Variants in KIF16B observed in about 807,000 individuals in gnomAD.
The protein encoded by KIF16B is kinesin family member 16B.
In KIF16B, 98 loss-of-function variants were observed where a neutral mutation model predicts 156.3. The observed-to-expected ratio is 0.63, with a 90% CI of 0.53 to 0.74. The LOEUF is 0.74. KIF16B is among the 30% of genes least tolerant of loss of function. KIF16B has a pLI of 0.00. For synonymous variants in KIF16B, 564 were observed against 583.7 expected, an observed-to-expected ratio of 0.97 and a Z score of 0.49; for missense variants, 1,421 against 1,606.5, an observed-to-expected ratio of 0.88 and a Z score of 1.97.
chr20:16,402,011 C>T (rs1011214186), intron 17 of KIF16B, among the ~76,000 whole-genome samples: 2 of 152,138 alleles, frequency 1.3e-5, no homozygotes, highest in Non-Finnish European at 2.9e-5. Flanking sequence ...ATTGCCAGCA[C>T]GGCCCTACAT....
In KIF16B at chr20:16,311,354, T is replaced by C. The variant is rs2063617444; in HGVS notation, c.3795+981A>G. On this transcript the variant is annotated intron_variant, in intron 25 of 25. Coordinates refer to ENST00000354981, the MANE Select transcript of KIF16B (RefSeq NM_024704.5). ...AAATATAAAAATTAGCTGGGCATGG[T>C]GGTGCACGCCTGTAATCTCAGCTAC... Among the ~76,000 whole-genome samples the C allele has an allele frequency of 2.0e-5, 3 of 152,128 alleles. No individual in the cohort carries two copies. The South Asian group carries it at 6.2e-4, about 32-fold the overall frequency.
intron 1 of KIF16B, among the ~76,000 whole-genome samples, chr20:16,556,945 T>C (rs2147331589): frequency 6.6e-6 from 1 of 152,212 alleles, no homozygotes; most frequent in South Asian, 2.1e-4. Flanking sequence ...ACCTGTGCTG[T>C]CCAATATGGC....
intron 15 of KIF16B, among the ~76,000 whole-genome samples, chr20:16,423,528 T>C (rs1257482959): frequency 1.3e-5 from 2 of 152,172 alleles, no homozygotes; most frequent in African/African-American, 2.4e-5. Context: ...AGTGACCTTG[T>C]TCTACTCATG....
At chr20:16,422,884 T>C (rs2066260557) in intron 15 of KIF16B, among the ~76,000 whole-genome samples, 1 of 152,140 alleles carries the variant, frequency 6.6e-6, no homozygotes, top group African/African-American at 2.4e-5. Flanking sequence ...AAAACTATCC[T>C]AATATTTAAA....
chr20:16,476,525 T>A (rs2067818416), intron 12 of KIF16B, among the ~76,000 whole-genome samples: 1 of 152,166 alleles, frequency 6.6e-6, no homozygotes, highest in Non-Finnish European at 1.5e-5. Flanking sequence ...AATATAATAA[T>A]AAATACAAGC....
chr20:16,515,176 G>A (rs903583739), intron 4 of KIF16B, among the ~76,000 whole-genome samples: 3 of 151,496 alleles, frequency 2.0e-5, no homozygotes, highest in Admixed American at 2.0e-4. Context: ...ATTTTTCTTG[G>A]GGAAAAATGT....
rs1162002765 is a variant in KIF16B at position 16,440,531 on chromosome 20, GCGCACACACACACACA to G, written c.1303-10565_1303-10550del. Among the ~76,000 whole-genome samples, 28 of 79,504 alleles carry G rather than the reference GCGCACACACACACACA, an allele frequency of 3.5e-4. 1 individual carries two copies. Among genetic ancestry groups the G allele is most frequent in the Admixed American group, 2.4e-3 (14 of 5,938 alleles). The allele number at this position is 79,504 out of a possible 152,430, so 52.2% of individuals were successfully genotyped here. ...ACCTATGGTTAAAACACACAAGCGC[GCGCACACACACACACA>G]CACACACACACACACACACACACAC... On this transcript the variant is annotated intron_variant, in intron 12 of 25. Coordinates refer to ENST00000354981, the MANE Select transcript of KIF16B (RefSeq NM_024704.5).
intron 1 of KIF16B, among the ~76,000 whole-genome samples, chr20:16,550,837 T>A (rs994900855): frequency 3.3e-5 from 5 of 151,724 alleles, no homozygotes; most frequent in Non-Finnish European, 7.4e-5. Flanking sequence ...GGCCGAAACA[T>A]GCATTCTAAA....
intron 12 of KIF16B, among the ~76,000 whole-genome samples, chr20:16,448,876 CAGAGAGAG>C (rs138248990): frequency 1.4e-5 from 2 of 145,360 alleles, no homozygotes; most frequent in African/African-American, 2.6e-5. Flanking sequence ...AGAAATATGA[CAGAGAGAG>C]AGAGAGAGAG....
At chr20:16,447,137 A>G (rs1357423661) in intron 12 of KIF16B, among the ~76,000 whole-genome samples, 3 of 152,116 alleles carry the variant, frequency 2.0e-5, no homozygotes, top group African/African-American at 7.2e-5. Context: ...ACATCTCTTC[A>G]GGGGCTTATC....
chr20:16,393,520 T>C (rs995005928), intron 17 of KIF16B, among the ~76,000 whole-genome samples: 1 of 152,194 alleles, frequency 6.6e-6, no homozygotes, highest in African/African-American at 2.4e-5. Context: ...AGAGTCATGG[T>C]CTGTGATAAA....
intron 1 of KIF16B, among the ~76,000 whole-genome samples, chr20:16,572,575 G>A (rs1404492427): frequency 6.6e-6 from 1 of 152,208 alleles, no homozygotes; most frequent in African/African-American, 2.4e-5. Context: ...ATGAAGAGAA[G>A]GATTCTGAAA....
intron 15 of KIF16B, among the ~76,000 whole-genome samples, chr20:16,408,359 G>C (rs2065838420): frequency 6.6e-6 from 1 of 152,194 alleles, no homozygotes; most frequent in Non-Finnish European, 1.5e-5. Context: ...AATTGCATTT[G>C]TATTTTTTCC....
chr20:16,375,685 C>CA (rs34135271), intron 19 of KIF16B, among the ~76,000 whole-genome samples: 5,944 of 112,786 alleles, frequency 0.053, 142 homozygotes, highest in African/African-American at 0.075. Flanking sequence ...CATCAATGGC[C>CA]AAAAAAAAAA....
In KIF16B at chr20:16,378,989, G is replaced by A; in HGVS notation, c.3013C>T (p.Leu1005=). The part of the protein sequence containing the change: ...ESREKQQREA[L]ERALARLERR... The stretch of plus-strand genomic sequence containing the variant: ...TCCAGCCTGGCCAGGGCCCGCTCCA[G>A]CGCCTCTCTCTGCTGCTTCTCTCTG... Residue 1005 remains leucine (L), a synonymous_variant, in exon 19 of 26, where the codon CTG becomes TTG. Transcript: ENST00000354981. 1.2e-6 allele frequency: 2 copies of A among 1,614,032 alleles called. No individual in the cohort carries two copies. The highest frequency in any genetic ancestry group is 4.5e-5 in the East Asian group (2 of 44,870).
chr20:16,425,988 C>CA (rs1202733209), intron 15 of KIF16B, among the ~76,000 whole-genome samples: 1 of 152,084 alleles, frequency 6.6e-6, no homozygotes, highest in African/African-American at 2.4e-5. Flanking sequence ...GGAGAGGGGG[C>CA]AGGAGGGAAA....
chr20:16,277,916 T>TC (rs2063088104), intron 25 of KIF16B, among the ~76,000 whole-genome samples: 1 of 152,214 alleles, frequency 6.6e-6, no homozygotes, highest in South Asian at 2.1e-4. Flanking sequence ...CAGCTCTTGT[T>TC]CACCTGGTGG....
chr20:16,508,615 A>G (rs1209483884), intron 6 of KIF16B, among the ~76,000 whole-genome samples: 1 of 152,210 alleles, frequency 6.6e-6, no homozygotes. Context: ...CTGATCTGAC[A>G]GGAGGCAGAG....
At chr20:16,345,811 G>C (rs928979106) in intron 23 of KIF16B, among the ~76,000 whole-genome samples, 2 of 152,226 alleles carry the variant, frequency 1.3e-5, no homozygotes, top group African/African-American at 2.4e-5. Flanking sequence ...GAATAGCTAG[G>C]CAGGAGGAAC....
Sources: gnomAD v4.1 joint callset for allele counts (sites outside exome capture counted in the v4.1 genomes callset) on GRCh38, gnomAD v4.1.1 for gene constraint, MANE v1.5 for transcripts, NCBI Gene and HGNC (gene_info 2026-07-23, HGNC 2026-07-21) for gene names.